Variants in ANXA13 observed in about 807,000 individuals in gnomAD.
The protein encoded by ANXA13 is annexin A13, also known as annexin XIII.
Under a neutral mutation model 46.6 loss-of-function variants are expected in ANXA13, and 36 were observed. The observed-to-expected ratio is 0.77, with a 90% confidence interval of 0.59 to 1.02. The LOEUF is 1.02. ANXA13 is among the 50% of genes least tolerant of loss of function. The pLI is 0.00. For synonymous variants in ANXA13, 163 were observed against 152.9 expected, an observed-to-expected ratio of 1.07 and a Z score of -0.49; for missense variants, 417 against 396.5, an observed-to-expected ratio of 1.05 and a Z score of -0.44.
intron 1 of ANXA13, among the ~76,000 whole-genome samples, chr8:123,736,667 G>A: frequency 6.6e-6 from 1 of 152,098 alleles, no homozygotes; most frequent in Admixed American, 6.5e-5. Flanking sequence ...AATGGGCTTA[G>A]TTTATGAAGT....
intron 1 of ANXA13, chr8:123,728,659 A>AGTAT (rs1195993294): frequency 6.6e-6 from 1 of 152,200 alleles, no homozygotes; most frequent in East Asian, 1.9e-4. Flanking sequence ...TGCAGTCAAC[A>AGTAT]GTATGTGGAC....
At chr8:123,735,577 A>G (rs1814242290) in intron 1 of ANXA13, among the ~76,000 whole-genome samples, 1 of 152,124 alleles carries the variant, frequency 6.6e-6, no homozygotes, top group Non-Finnish European at 1.5e-5. Flanking sequence ...TTTTTACATT[A>G]CCTGTAAATA....
chr8:123,690,861 C>A lies in ANXA13; in HGVS notation c.643-1915G>T, dbSNP rs564010274. On this transcript the variant is annotated intron_variant, in intron 8 of 10. Transcript: ENST00000419625. The surrounding 1 kb of genome is among the most constrained non-coding windows in gnomAD (Gnocchi z 4.6). ...GACTATAGCAGTTAGAGGGCTGAAG[C>A]CTCTGGCGTGGAATAAGGAACATGT... 1.3e-5 allele frequency among the ~76,000 whole-genome samples: 2 copies of A among 152,270 alleles called. No homozygotes were observed. The highest frequency in any genetic ancestry group is 4.8e-5 in the African/African-American group (2 of 41,554).
At chr8:123,695,801 G>A in intron 4 of ANXA13, 80 bp from the exon 5 acceptor site, 1 of 1,263,936 alleles carries the variant, frequency 7.9e-7, no homozygotes, top group Admixed American at 1.8e-5. Flanking sequence ...AGAGGCGGGA[G>A]ACCATGTCTG....
rs140653489 is a variant in ANXA13, at chr8:123,723,292, C to A, written c.16-10539G>T. 7.6e-3 allele frequency among the ~76,000 whole-genome samples: 1,154 copies of A among 152,318 alleles called. 16 individuals carry two copies. The highest frequency in any genetic ancestry group is 0.026 in the African/African-American group (1,066 of 41,568). ...ATTGACAGCACAGAGCCATTGATTCCATTGGCAACAGTGGAGAATGTTTCT... is the reference window on the plus strand; with the variant it reads ...ATTGACAGCACAGAGCCATTGATTCAATTGGCAACAGTGGAGAATGTTTCT... On this transcript the variant is annotated intron_variant, in intron 1 of 10. Transcript: ENST00000419625.
In ANXA13 at chr8:123,723,646, A is replaced by T. The variant is rs192706552; in HGVS notation, c.16-10893T>A. Among the ~76,000 whole-genome samples, 240 of 152,294 alleles carry T rather than the reference A, an allele frequency of 1.6e-3. 2 individuals carry two copies. Among genetic ancestry groups the T allele is most frequent in the African/African-American group, 5.7e-3 (235 of 41,570 alleles). On this transcript the variant is annotated intron_variant, in intron 1 of 10. Coordinates refer to ENST00000419625, the MANE Select transcript of ANXA13 (RefSeq NM_004306.4). ...ACCACGGAAATTGGCAAGCACCACA[A>T]ATTAGGCTTTTGTTTTCTCCTGGAG...
chr8:123,735,754 C>T, intron 1 of ANXA13: 4 of 1,609,586 alleles, frequency 2.5e-6, no homozygotes, highest in South Asian at 1.1e-5. Flanking sequence ...AAAGTGCTTA[C>T]AGGCTGTGGG....
intron 2 of ANXA13, among the ~76,000 whole-genome samples, chr8:123,706,357 C>T (rs115624130): frequency 2.6e-4 from 40 of 152,238 alleles, no homozygotes; most frequent in Admixed American, 6.5e-4. Flanking sequence ...CTGTCCCAGA[C>T]GAGGGCCTTG....
chr8:123,720,365 A>T (rs997437845), intron 1 of ANXA13, among the ~76,000 whole-genome samples: 1 of 152,118 alleles, frequency 6.6e-6, no homozygotes, highest in Non-Finnish European at 1.5e-5. Flanking sequence ...TGCTGGAGAG[A>T]GCCTCAGACA....
chr8:123,695,103 G>T (rs140275484), intron 6 of ANXA13, among the ~76,000 whole-genome samples: 1 of 152,082 alleles, frequency 6.6e-6, no homozygotes, highest in African/African-American at 2.4e-5. Context: ...TAATTGTAGA[G>T]TTGTGTTGTG....
chr8:123,682,809 C>T (rs897074111), intron 10 of ANXA13, among the ~76,000 whole-genome samples: 1 of 152,178 alleles, frequency 6.6e-6, no homozygotes, highest in Non-Finnish European at 1.5e-5. Flanking sequence ...TATATCTAGC[C>T]AGGCCTGAAG....
At chr8:123,695,635 G>C in intron 5 of ANXA13, 53 bp downstream of exon 5, 1 of 1,610,658 alleles carries the variant, frequency 6.2e-7, no homozygotes, top group South Asian at 1.1e-5. Context: ...GTTTCCCAGA[G>C]GTATTTTGAA....
rs181987414 is a variant in ANXA13 at position 123,726,281 on chromosome 8, A to T, written c.15+11039T>A. Among the ~76,000 whole-genome samples the T allele has an allele frequency of 2.9e-4, 44 of 152,352 alleles. No individual in the cohort carries two copies. The East Asian group carries it at 6.5e-3, about 23-fold the overall frequency. On this transcript the variant is annotated intron_variant, in intron 1 of 10. Transcript: ENST00000419625. ...AAGACAAGCTTCCTTAGGCTATGCCATCTGGGTTACACGTGTTGATGTGAT... is the reference window on the plus strand; with the variant it reads ...AAGACAAGCTTCCTTAGGCTATGCCTTCTGGGTTACACGTGTTGATGTGAT...
intron 1 of ANXA13, among the ~76,000 whole-genome samples, chr8:123,727,393 G>A (rs1462920806): frequency 6.6e-6 from 1 of 152,002 alleles, no homozygotes; most frequent in Non-Finnish European, 1.5e-5. Flanking sequence ...CAGGAATGGT[G>A]ATTTCTGGTG....
At chr8:123,699,103 C>T (rs140309860) in intron 3 of ANXA13, among the ~76,000 whole-genome samples, 24 of 152,286 alleles carry the variant, frequency 1.6e-4, no homozygotes, top group Middle Eastern at 6.8e-3. Flanking sequence ...TCCGTTATCT[C>T]GCTAAATCCT....
chr8:123,713,582 A>G (rs142717133), intron 1 of ANXA13, among the ~76,000 whole-genome samples: 1 of 152,192 alleles, frequency 6.6e-6, no homozygotes, highest in African/African-American at 2.4e-5. Context: ...TAAAAACTGC[A>G]ATTAACCTGT....
chr8:123,725,089 G>T (rs535441951), intron 1 of ANXA13, among the ~76,000 whole-genome samples: 2 of 152,182 alleles, frequency 1.3e-5, no homozygotes, highest in East Asian at 3.9e-4. Context: ...AATTTAGTTA[G>T]AATTTAATAC....
At chr8:123,689,454 A>G (rs570258737) in intron 8 of ANXA13, among the ~76,000 whole-genome samples, 2 of 152,064 alleles carry the variant, frequency 1.3e-5, no homozygotes, top group East Asian at 3.9e-4. Flanking sequence ...TTTGAGTGAA[A>G]TAAGTAGGCA....
intron 1 of ANXA13, among the ~76,000 whole-genome samples, chr8:123,714,818 A>G (rs1813732011): frequency 6.6e-6 from 1 of 152,140 alleles, no homozygotes; most frequent in Non-Finnish European, 1.5e-5. Flanking sequence ...CAGTTTATAG[A>G]CCTTTCTTCA....
Sources: gnomAD v4.1 joint callset for allele counts (sites outside exome capture counted in the v4.1 genomes callset) on GRCh38, gnomAD v4.1.1 for gene constraint, Gnocchi (gnomAD v3.1) non-coding constraint, MANE v1.5 for transcripts, NCBI Gene and HGNC (gene_info 2026-07-23, HGNC 2026-07-21) for gene names.